Variants in MS4A5 observed in about 807,000 individuals in gnomAD.
The protein encoded by MS4A5 is membrane-spanning 4-domains subfamily A member 5.
In MS4A5, 15 loss-of-function variants were observed where a neutral mutation model predicts 18.2. The ratio of observed to expected loss-of-function variants is 0.83; its 90% CI spans 0.55 to 1.27. MS4A5 has a LOEUF of 1.27. Ranked by LOEUF, MS4A5 falls within the 50% of genes most tolerant of loss-of-function variation. The pLI is 0.00. For synonymous variants in MS4A5, 89 were observed against 78.7 expected (o/e 1.13, Z -0.69); for missense variants, 232 against 225.7 (o/e 1.03, Z -0.18).
chr11:60,432,954 G>A lies in MS4A5; in HGVS notation c.339+487G>A, dbSNP rs2086059071. ...ACAGCATTTGCTTCCTGTTTTCCTA[G>A]AATTATAACCCATTATGCTAGAGGA... is the stretch of plus-strand genomic sequence containing the variant. On this transcript the variant is annotated intron_variant, in intron 3 of 4. Coordinates refer to ENST00000300190, the MANE Select transcript of MS4A5 (RefSeq NM_023945.3). 2.0e-5 allele frequency among the ~76,000 whole-genome samples: 3 copies of A among 152,060 alleles called. No homozygotes were observed. The South Asian group carries it at 6.2e-4, about 32-fold the overall frequency.
At chr11:60,438,566 A>T (rs1383744758) in intron 4 of MS4A5, among the ~76,000 whole-genome samples, 2 of 152,240 alleles carry the variant, frequency 1.3e-5, no homozygotes, top group Middle Eastern at 3.4e-3. Flanking sequence ...AATCAAATAG[A>T]CGCAATAAAA....
chr11:60,446,194 C>A (rs990026003), intron 4 of MS4A5, among the ~76,000 whole-genome samples: 4 of 152,166 alleles, frequency 2.6e-5, no homozygotes, highest in African/African-American at 9.6e-5. Context: ...CCATTAAAAA[C>A]CATGTGGCTC....
intron 4 of MS4A5, among the ~76,000 whole-genome samples, chr11:60,436,642 C>A (rs1387204548): frequency 1.5e-5 from 2 of 133,214 alleles, no homozygotes; most frequent in Non-Finnish European, 3.4e-5. Context: ...CCTCAGGAGT[C>A]GATGCGATCA....
At position 60,433,895 on chromosome 11, in the gene MS4A5, A is replaced by G. The variant is rs1353668408; in HGVS notation, c.470A>G (p.Lys157Arg). Residue 157 changes from lysine (K) to arginine (R), a missense_variant, in exon 4 of 5, where the codon AAG becomes AGG. Physicochemically the swap from Lys to Arg is conservative, Grantham distance 26. Coordinates refer to ENST00000300190, the MANE Select transcript of MS4A5 (RefSeq NM_023945.3). ...TATTCTCACCAAAATAGTCAGTGTA[A>G]GGCTGTTACTGTCCTGTTCTTGGTA... is the stretch of plus-strand genomic sequence containing the variant. ...CGYSHQNSQC[K>R]AVTVLFLGIL... 1 of 1,614,018 alleles carries G rather than the reference A, an allele frequency of 6.2e-7. No homozygotes were observed. Among genetic ancestry groups the G allele is most frequent in the Non-Finnish European group, 8.5e-7 (1 of 1,179,996 alleles).
chr11:60,432,561 G>C, intron 3 of MS4A5, 94 bp downstream of exon 3: 1 of 711,422 alleles, frequency 1.4e-6, no homozygotes, highest in Non-Finnish European at 2.3e-6. Context: ...GCCAAGACGG[G>C]TGGATCATGA....
chr11:60,440,243 A>G (rs1031913773), intron 4 of MS4A5, among the ~76,000 whole-genome samples: 1 of 102,040 alleles, frequency 9.8e-6, no homozygotes, highest in South Asian at 3.7e-4. Flanking sequence ...CTGAAACTGG[A>G]TCCCTTCCTT....
At chr11:60,431,775 ACAGG>A (rs759723595) in intron 2 of MS4A5, among the ~76,000 whole-genome samples, 1 of 152,248 alleles carries the variant, frequency 6.6e-6, no homozygotes, top group Non-Finnish European at 1.5e-5. Context: ...AAATATGAGC[ACAGG>A]CTGAAGGTAT....
chr11:60,446,513 C>T (rs900350620), intron 4 of MS4A5, among the ~76,000 whole-genome samples: 44 of 152,100 alleles, frequency 2.9e-4, no homozygotes, highest in Admixed American at 2.3e-3. Context: ...CCAAGGTGGG[C>T]AGATCACCTG....
chr11:60,430,932 T>G lies in MS4A5; in HGVS notation c.282+8T>G, dbSNP rs376566794. 1.9e-6 allele frequency: 3 copies of G among 1,603,846 alleles called. No homozygotes were observed. Among genetic ancestry groups the G allele is most frequent in the Non-Finnish European group, 2.5e-6 (3 of 1,177,856 alleles). On this transcript the variant is annotated splice_region_variant and intron_variant, in intron 2 of 4. Coordinates refer to ENST00000300190, the MANE Select transcript of MS4A5 (RefSeq NM_023945.3). ...TTCTGGGGCTCTGTTTTGGTGAGTA[T>G]AGTCAATCAAGTTCAATTTGAAGCC...
intron 4 of MS4A5, among the ~76,000 whole-genome samples, chr11:60,443,293 A>G (rs550000185): frequency 3.9e-5 from 6 of 152,308 alleles, no homozygotes; most frequent in Non-Finnish European, 8.8e-5. Context: ...TATACAGTAT[A>G]TTGTCTGAAA....
chr11:60,429,825 G>C lies in MS4A5; in HGVS notation c.151G>C (p.Gly51Arg), dbSNP rs1360325266. The C allele has an allele frequency of 1.9e-6, 3 of 1,612,956 alleles. No homozygotes were observed. In the East Asian group the frequency reaches 6.7e-5, roughly 36 times the overall value. The change falls in exon 1 of 5, where the codon GGG becomes CGG. Residue 51 changes from glycine (G) to arginine (R), a missense_variant and splice_region_variant. Gly to Arg is a moderately radical substitution (Grantham distance 125). Coordinates refer to ENST00000300190, the MANE Select transcript of MS4A5 (RefSeq NM_023945.3). ...ATTTGCTAGAAAAATGAAAATCTTA[G>C]GGGTAAGTAAGACTTGCCCCTATGT... ...KLFARKMKILGTIQILFGIMT... is the reference protein window; with the variant it reads ...KLFARKMKILRTIQILFGIMT...
At chr11:60,442,640 A>C (rs1365165602) in intron 4 of MS4A5, among the ~76,000 whole-genome samples, 1 of 152,142 alleles carries the variant, frequency 6.6e-6, no homozygotes, top group Non-Finnish European at 1.5e-5. Flanking sequence ...TGTATCCCAG[A>C]ACTTAAAGTA....
intron 2 of MS4A5, among the ~76,000 whole-genome samples, chr11:60,431,950 G>A (rs75262957): frequency 0.016 from 2,362 of 146,490 alleles, 63 homozygotes; most frequent in African/African-American, 0.058. Context: ...TACCACGTGT[G>A]ACCCACTTCC....
chr11:60,443,507 G>A (rs2086124619), intron 4 of MS4A5, among the ~76,000 whole-genome samples: 1 of 151,702 alleles, frequency 6.6e-6, no homozygotes, highest in Admixed American at 6.6e-5. Context: ...GGCAAGTATT[G>A]GGAAGGAAAA....
At chr11:60,429,887 A>G in intron 1 of MS4A5, 60 bp downstream of exon 1, 1 of 1,498,582 alleles carries the variant, frequency 6.7e-7, no homozygotes, top group Non-Finnish European at 9.1e-7. Context: ...TAGGGAAATT[A>G]TCTGTTGGCA....
At chr11:60,444,363 T>A (rs371844296) in intron 4 of MS4A5, among the ~76,000 whole-genome samples, 8 of 152,078 alleles carry the variant, frequency 5.3e-5, no homozygotes, top group African/African-American at 1.9e-4. Context: ...CTTGAGTGGG[T>A]GGGCTGCAGG....
rs753440173 is a variant in MS4A5, at chr11:60,429,690, G to A, written c.16G>A (p.Ala6Thr). 5.0e-5 allele frequency: 81 copies of A among 1,612,404 alleles called. No homozygotes were observed. The highest frequency in any genetic ancestry group is 8.9e-5 in the East Asian group (4 of 44,816). ...CGACACCATCATGGATTCAAGCACC[G>A]CACACAGTCCGGTGTTTCTGGTATT... Reference protein sequence around the residue: MDSSTAHSPVFLVFPP... With the variant: MDSSTTHSPVFLVFPP... The change falls in exon 1 of 5, where the codon GCA becomes ACA. Residue 6 changes from alanine to threonine, a missense_variant. Ala to Thr is a moderately conservative substitution (Grantham distance 58, BLOSUM62 0). Transcript: ENST00000300190.
chr11:60,433,743 T>A lies in MS4A5; in HGVS notation c.340-22T>A, dbSNP rs372671119. 80 of 1,611,496 alleles carry A rather than the reference T, an allele frequency of 5.0e-5. No individual in the cohort carries two copies. The African/African-American group carries it at 9.6e-4, about 19-fold the overall frequency. On this transcript the variant is annotated intron_variant, in intron 3 of 4. Coordinates refer to ENST00000300190, the MANE Select transcript of MS4A5 (RefSeq NM_023945.3). ...TACAGGCTGGACCTCAGTCACATTG[T>A]TATGTTCTTATTCTATTTCAGATAA...
In MS4A5 at chr11:60,432,400, C is replaced by A. The variant is rs769038818; in HGVS notation, c.283-11C>A. The A allele has an allele frequency of 6.4e-7, 1 of 1,554,408 alleles. No individual in the cohort carries two copies. The highest frequency in any genetic ancestry group is 1.1e-5 in the South Asian group (1 of 87,836). ...CATGGTCATCATTAACATATTTATTCCTCTTAACAGTTCATTAATTCTGGA... is the reference window on the plus strand; with the variant it reads ...CATGGTCATCATTAACATATTTATTACTCTTAACAGTTCATTAATTCTGGA... On this transcript the variant is annotated splice_polypyrimidine_tract_variant and intron_variant, in intron 2 of 4. Coordinates refer to ENST00000300190, the MANE Select transcript of MS4A5 (RefSeq NM_023945.3).
Sources: gnomAD v4.1 joint callset for allele counts (sites outside exome capture counted in the v4.1 genomes callset) on GRCh38, gnomAD v4.1.1 for gene constraint, MANE v1.5 for transcripts, NCBI Gene and HGNC (gene_info 2026-07-23, HGNC 2026-07-21) for gene names.